CTNND2: variants seen among roughly 807,000 people sequenced by gnomAD.
CTNND2 encodes catenin delta-2.
Under a neutral mutation model 144.4 loss-of-function variants are expected in CTNND2, and 22 were observed. The ratio of observed to expected loss-of-function variants is 0.15; its 90% CI spans 0.11 to 0.22. CTNND2 has a LOEUF of 0.22. CTNND2 is among the 10% of genes least tolerant of loss of function. CTNND2 has a pLI of 1.00. For missense variants in CTNND2, 1,353 were observed against 1,618.8 expected, an observed-to-expected ratio of 0.84 and a Z score of 2.82; for synonymous variants, 751 against 695.6, an observed-to-expected ratio of 1.08 and a Z score of -1.25.
chr5:11,240,530 AC>A (rs1197347783), intron 9 of CTNND2, among the ~76,000 whole-genome samples: 1 of 124,014 alleles, frequency 8.1e-6, no homozygotes, highest in Non-Finnish European at 1.6e-5. Flanking sequence ...CCCAACACAC[AC>A]ACCCAACACA....
chr5:11,320,760 A>C (rs1751952241), intron 9 of CTNND2, among the ~76,000 whole-genome samples: 1 of 152,154 alleles, frequency 6.6e-6, no homozygotes, highest in Admixed American at 6.5e-5. Context: ...CTCCCACCGG[A>C]TCCCTCCCAC....
chr5:11,734,855 A>G (rs904810048), intron 1 of CTNND2, among the ~76,000 whole-genome samples: 4 of 152,204 alleles, frequency 2.6e-5, no homozygotes, highest in African/African-American at 9.6e-5. Flanking sequence ...CAAATTTCCT[A>G]TTGAACATTT....
chr5:11,242,806 T>C (rs1331283745), intron 9 of CTNND2, among the ~76,000 whole-genome samples: 1 of 152,226 alleles, frequency 6.6e-6, no homozygotes, highest in African/African-American at 2.4e-5. Context: ...AATTTGAACA[T>C]CTGGCTCTGT....
intron 6 of CTNND2, among the ~76,000 whole-genome samples, chr5:11,391,712 G>C (rs765374890): frequency 6.6e-6 from 1 of 152,172 alleles, no homozygotes; most frequent in Non-Finnish European, 1.5e-5. Flanking sequence ...CTTGAGGGGT[G>C]CTGGTTTTGG....
intron 13 of CTNND2, 40 bp from the exon 14 acceptor site, chr5:11,111,083 C>A: frequency 6.3e-7 from 1 of 1,588,536 alleles, no homozygotes; most frequent in South Asian, 1.1e-5. Context: ...ATGAGTAAAA[C>A]TAGCACTCAG....
intron 1 of CTNND2, among the ~76,000 whole-genome samples, chr5:11,840,552 T>C (rs577001576): frequency 2.0e-3 from 303 of 152,290 alleles, no homozygotes; most frequent in Non-Finnish European, 3.7e-3. Context: ...TTGTTTGTGA[T>C]TTTGACTCAA....
intron 3 of CTNND2, among the ~76,000 whole-genome samples, chr5:11,489,507 T>C: frequency 6.6e-6 from 1 of 152,090 alleles, no homozygotes; most frequent in East Asian, 1.9e-4. Flanking sequence ...ATTCAATAAA[T>C]GTGGTCTGAA....
At chr5:11,355,520 CA>C (rs1409173086) in intron 8 of CTNND2, among the ~76,000 whole-genome samples, 1 of 151,984 alleles carries the variant, frequency 6.6e-6, no homozygotes, top group Non-Finnish European at 1.5e-5. Flanking sequence ...GTGTGTACCA[CA>C]ACACAATAAA....
chr5:11,447,498 CTATT>C (rs1372118919), intron 3 of CTNND2, among the ~76,000 whole-genome samples: 4 of 152,134 alleles, frequency 2.6e-5, no homozygotes, highest in Non-Finnish European at 5.9e-5. Flanking sequence ...ATTAAAGTAA[CTATT>C]TATTTATTAC....
chr5:11,174,593 G>C (rs1254361118), intron 11 of CTNND2, among the ~76,000 whole-genome samples: 8 of 152,082 alleles, frequency 5.3e-5, no homozygotes, highest in Non-Finnish European at 8.8e-5. Context: ...CTGAGCCGCA[G>C]TTCCCATTTA....
At chr5:11,456,316 CTT>C (rs76539757) in intron 3 of CTNND2, among the ~76,000 whole-genome samples, 22 of 139,654 alleles carry the variant, frequency 1.6e-4, no homozygotes, top group Admixed American at 1.4e-4. Context: ...CTTTTTGATG[CTT>C]TTTTTTTTTT....
At chr5:11,871,234 C>G (rs10074208) in intron 1 of CTNND2, among the ~76,000 whole-genome samples, 1,878 of 152,280 alleles carry the variant, frequency 0.012, 40 homozygotes, top group African/African-American at 0.042. Flanking sequence ...GTAACTTGTT[C>G]TAGCAGGCAC....
At chr5:10,998,288 T>A (rs1458903602) in intron 18 of CTNND2, among the ~76,000 whole-genome samples, 4 of 152,130 alleles carry the variant, frequency 2.6e-5, no homozygotes, top group African/African-American at 7.2e-5. Context: ...TCAGACCCTC[T>A]GAGGATGGCC....
intron 5 of CTNND2, 50 bp downstream of exon 5, chr5:11,411,486 A>C (rs961608004): frequency 1.1e-6 from 1 of 890,370 alleles, no homozygotes; most frequent in African/African-American, 1.7e-5. Context: ...ATAATGACAT[A>C]ATACTCCTAT....
chr5:11,536,152 C>T (rs1322355102), intron 3 of CTNND2, among the ~76,000 whole-genome samples: 2 of 152,222 alleles, frequency 1.3e-5, no homozygotes, highest in Non-Finnish European at 2.9e-5. Flanking sequence ...CAGCTTTGAA[C>T]TAGTGGGCTC....
chr5:11,572,461 G>A (rs531623630), intron 2 of CTNND2, among the ~76,000 whole-genome samples: 1 of 152,240 alleles, frequency 6.6e-6, no homozygotes, highest in Non-Finnish European at 1.5e-5. Flanking sequence ...CTTTACAGAA[G>A]CATTTTGTTG....
chr5:11,459,857 C>T (rs1211456548), intron 3 of CTNND2, among the ~76,000 whole-genome samples: 1 of 152,150 alleles, frequency 6.6e-6, no homozygotes, highest in Non-Finnish European at 1.5e-5. Flanking sequence ...TAAGTACCTA[C>T]AAATGAATTC....
chr5:11,419,091 A>G (rs1472297724), intron 3 of CTNND2, among the ~76,000 whole-genome samples: 1 of 151,132 alleles, frequency 6.6e-6, no homozygotes, highest in African/African-American at 2.4e-5. Context: ...GAATAAAAAC[A>G]TATGAACTGA....
intron 7 of CTNND2, among the ~76,000 whole-genome samples, chr5:11,379,978 C>A (rs1317529264): frequency 1.3e-5 from 2 of 152,152 alleles, no homozygotes; most frequent in Non-Finnish European, 2.9e-5. Context: ...TCCCTGCACC[C>A]CACACACACC....
Sources: allele counts gnomAD v4.1 joint callset (sites outside exome capture counted in the v4.1 genomes callset), GRCh38; gene constraint gnomAD v4.1.1; transcripts MANE v1.5; gene names NCBI Gene and HGNC (gene_info 2026-07-23, HGNC 2026-07-21).